Variants in CDK17 observed in about 807,000 individuals in gnomAD.
CDK17 encodes the protein cyclin-dependent kinase 17.
A neutral mutation model predicts 77.6 loss-of-function variants in CDK17; 24 were observed. The observed-to-expected ratio is 0.31, with a 90% CI of 0.22 to 0.44. The LOEUF is 0.44. CDK17 is among the 20% of genes least tolerant of loss of function. The pLI is 1.00. For synonymous variants in CDK17, 203 were observed against 210.4 expected (o/e 0.96, Z 0.30); for missense variants, 429 against 622.5 (o/e 0.69, Z 3.31).
At chr12:96,288,408 G>A (rs1459542696) in intron 11 of CDK17, among the ~76,000 whole-genome samples, 1 of 152,118 alleles carries the variant, frequency 6.6e-6, no homozygotes, top group African/African-American at 2.4e-5. Flanking sequence ...TACTAGGAAT[G>A]AGCCCAAGTT....
At chr12:96,328,203 T>C (rs1952916041) in intron 2 of CDK17, among the ~76,000 whole-genome samples, 1 of 152,160 alleles carries the variant, frequency 6.6e-6, no homozygotes, top group Admixed American at 6.5e-5. Context: ...ATCTAACGCC[T>C]GATAATCTGT....
At chr12:96,353,066 G>T (rs1348638412) in intron 1 of CDK17, among the ~76,000 whole-genome samples, 1 of 152,146 alleles carries the variant, frequency 6.6e-6, no homozygotes, top group East Asian at 1.9e-4. Context: ...ATTTTGCAGA[G>T]ACTTCATATA....
intron 1 of CDK17, chr12:96,386,719 G>GCAC (rs1953982343): frequency 6.6e-6 from 1 of 152,446 alleles, no homozygotes; most frequent in Admixed American, 6.6e-5. Context: ...CTGCATAATG[G>GCAC]TAAATTTTTT....
intron 1 of CDK17, among the ~76,000 whole-genome samples, chr12:96,343,545 A>G (rs1204186723): frequency 6.6e-6 from 1 of 152,244 alleles, no homozygotes; most frequent in African/African-American, 2.4e-5. Flanking sequence ...ACCTGCATCT[A>G]CTGGAAGATC....
At chr12:96,316,276 T>C (rs1183020439) in intron 3 of CDK17, among the ~76,000 whole-genome samples, 1 of 152,160 alleles carries the variant, frequency 6.6e-6, no homozygotes, top group African/African-American at 2.4e-5. Context: ...ACCACGAGAC[T>C]ATATACCACA....
At chr12:96,346,001 A>AT (rs1386349725) in intron 1 of CDK17, among the ~76,000 whole-genome samples, 1 of 152,210 alleles carries the variant, frequency 6.6e-6, no homozygotes, top group African/African-American at 2.4e-5. Context: ...GTCAGACTGG[A>AT]TTTTTTAAAA....
intron 1 of CDK17, among the ~76,000 whole-genome samples, chr12:96,381,151 T>C (rs1242578258): frequency 6.6e-6 from 1 of 152,224 alleles, no homozygotes; most frequent in Non-Finnish European, 1.5e-5. Flanking sequence ...TTTATCAAGA[T>C]GCTCTCTAAG....
At chr12:96,287,028 A>T (rs11108453) in intron 11 of CDK17, among the ~76,000 whole-genome samples, 21,145 of 152,212 alleles carry the variant, frequency 0.14, 1,640 homozygotes, top group South Asian at 0.28. Context: ...GCTAACAGTG[A>T]CTGAAGATTT....
intron 11 of CDK17, among the ~76,000 whole-genome samples, chr12:96,287,358 T>C (rs1477280891): frequency 6.6e-6 from 1 of 152,146 alleles, no homozygotes. Flanking sequence ...CTAGGAACTG[T>C]ATGTACACAC....
At chr12:96,291,148 T>C (rs544371318) in intron 10 of CDK17, among the ~76,000 whole-genome samples, 1 of 140,774 alleles carries the variant, frequency 7.1e-6, no homozygotes, top group African/African-American at 2.6e-5. Context: ...AAGGAAGAAA[T>C]AGAGACAGAA....
chr12:96,308,380 C>T (rs1376970737), intron 5 of CDK17, among the ~76,000 whole-genome samples: 1 of 151,932 alleles, frequency 6.6e-6, no homozygotes, highest in Non-Finnish European at 1.5e-5. Context: ...TACTGCATTC[C>T]AGCCTAGGTG....
intron 4 of CDK17, 69 bp downstream of exon 4, chr12:96,313,252 A>T: frequency 7.9e-7 from 1 of 1,269,134 alleles, no homozygotes; most frequent in Non-Finnish European, 1.1e-6. Context: ...ACTCCACTTG[A>T]TATGTATGTG....
intron 3 of CDK17, among the ~76,000 whole-genome samples, chr12:96,316,874 A>G (rs2137114704): frequency 1.3e-5 from 2 of 149,074 alleles, no homozygotes; most frequent in Non-Finnish European, 3.0e-5. Flanking sequence ...GAACAGAAAA[A>G]CTGGAAACTC....
intron 1 of CDK17, among the ~76,000 whole-genome samples, chr12:96,336,294 T>C (rs1592736254): frequency 6.6e-6 from 1 of 151,964 alleles, no homozygotes; most frequent in East Asian, 1.9e-4. Flanking sequence ...AATTTGTCTC[T>C]ACTGAAAAAA....
At chr12:96,392,106 G>C (rs1192937036) in intron 1 of CDK17, among the ~76,000 whole-genome samples, 1 of 152,098 alleles carries the variant, frequency 6.6e-6, no homozygotes, top group Non-Finnish European at 1.5e-5. Context: ...GGAGAGACCT[G>C]AAAATAATTA....
At chr12:96,362,508 C>T (rs566236200) in intron 1 of CDK17, among the ~76,000 whole-genome samples, 5 of 152,290 alleles carry the variant, frequency 3.3e-5, no homozygotes, top group African/African-American at 1.2e-4. Flanking sequence ...TATGAGCCAC[C>T]ATGCCCAGCC....
intron 1 of CDK17, among the ~76,000 whole-genome samples, chr12:96,365,333 T>C (rs1439189264): frequency 6.6e-6 from 1 of 152,174 alleles, no homozygotes; most frequent in Non-Finnish European, 1.5e-5. Flanking sequence ...TTAAAACAAT[T>C]CTATGAAGTA....
At chr12:96,356,079 A>C (rs1299521704) in intron 1 of CDK17, among the ~76,000 whole-genome samples, 1 of 152,176 alleles carries the variant, frequency 6.6e-6, no homozygotes, top group African/African-American at 2.4e-5. Context: ...GGAGGCATTA[A>C]GGGCAAAAAG....
At chr12:96,347,106 A>C (rs1057159066) in intron 1 of CDK17, among the ~76,000 whole-genome samples, 2 of 152,194 alleles carry the variant, frequency 1.3e-5, no homozygotes, top group African/African-American at 4.8e-5. Context: ...CGATACATTA[A>C]GCTATATCAA....
Sources: allele counts gnomAD v4.1 joint callset (sites outside exome capture counted in the v4.1 genomes callset), GRCh38; gene constraint gnomAD v4.1.1; transcripts MANE v1.5; gene names NCBI Gene and HGNC (gene_info 2026-07-23, HGNC 2026-07-21).